COLEC12: variants seen among roughly 807,000 people sequenced by gnomAD.
COLEC12 encodes the protein collectin subfamily member 12, also known as collectin-12.
COLEC12 carries 33 observed loss-of-function variants against 71.1 expected under a neutral mutation model. The observed-to-expected ratio is 0.46, with a 90% CI of 0.35 to 0.62. COLEC12 has a LOEUF of 0.62. Ranked by LOEUF, COLEC12 falls within the 20% of genes least tolerant of loss-of-function variation. The pLI is 0.00. For missense variants in COLEC12, 765 were observed against 916.1 expected (o/e 0.84, Z 2.13); for synonymous variants, 350 against 353.0 (o/e 0.99, Z 0.10).
chr18:336,215 G>A (rs1423616951), intron 5 of COLEC12, among the ~76,000 whole-genome samples: 1 of 152,076 alleles, frequency 6.6e-6, no homozygotes, highest in Non-Finnish European at 1.5e-5. Flanking sequence ...GGGTGCTGCT[G>A]TCCTTAGGGC....
At chr18:432,670 A>G (rs1317304604) in intron 2 of COLEC12, among the ~76,000 whole-genome samples, 2 of 152,192 alleles carry the variant, frequency 1.3e-5, no homozygotes, top group Admixed American at 6.5e-5. Context: ...ACACACCTCA[A>G]TAATCTACCA....
chr18:378,300 G>C (rs750297011), intron 2 of COLEC12, among the ~76,000 whole-genome samples: 3 of 152,130 alleles, frequency 2.0e-5, no homozygotes, highest in Admixed American at 6.5e-5. Flanking sequence ...CAGAGCTGAG[G>C]GCACATCAGA....
At chr18:341,756 AG>A (rs1168981931) in intron 5 of COLEC12, among the ~76,000 whole-genome samples, 1 of 152,232 alleles carries the variant, frequency 6.6e-6, no homozygotes, top group Non-Finnish European at 1.5e-5. Flanking sequence ...TAACTCTAAA[AG>A]GTACACACAG....
chr18:449,743 G>A (rs960221294), intron 2 of COLEC12, among the ~76,000 whole-genome samples: 3 of 152,182 alleles, frequency 2.0e-5, no homozygotes, highest in African/African-American at 7.2e-5. Flanking sequence ...AGGGACACGA[G>A]AGCCAGGTCA....
intron 2 of COLEC12, among the ~76,000 whole-genome samples, chr18:465,180 G>A (rs996259021): frequency 2.6e-5 from 4 of 152,194 alleles, no homozygotes; most frequent in Non-Finnish European, 5.9e-5. Flanking sequence ...TCAGCTCACT[G>A]CAACCTCTGC....
intron 2 of COLEC12, among the ~76,000 whole-genome samples, chr18:472,701 A>AAAGAAG (rs1008052668): frequency 1.1e-4 from 16 of 144,176 alleles, no homozygotes; most frequent in Non-Finnish European, 1.0e-4. Flanking sequence ...AAAAAAAAAA[A>AAAGAAG]AAGAAGAAGA....
intron 2 of COLEC12, among the ~76,000 whole-genome samples, chr18:418,825 G>A (rs1598357234): frequency 6.6e-6 from 1 of 152,346 alleles, no homozygotes; most frequent in African/African-American, 2.4e-5. Context: ...TGGGCAACCA[G>A]CAGCCCTCAG....
chr18:360,178 C>CTTTTTTT (rs778619867), intron 2 of COLEC12, among the ~76,000 whole-genome samples: 2 of 141,616 alleles, frequency 1.4e-5, no homozygotes, highest in African/African-American at 2.6e-5. Context: ...ATTTGGATTT[C>CTTTTTTT]TTTTTTTTTT....
chr18:367,158 C>T, intron 2 of COLEC12, among the ~76,000 whole-genome samples: 1 of 152,186 alleles, frequency 6.6e-6, no homozygotes, highest in Non-Finnish European at 1.5e-5. Context: ...TTGAGTGTGG[C>T]TGCTTTACAA....
At chr18:477,956 C>T (rs1377813651) in intron 2 of COLEC12, among the ~76,000 whole-genome samples, 1 of 152,120 alleles carries the variant, frequency 6.6e-6, no homozygotes, top group African/African-American at 2.4e-5. Context: ...TTTAACCATG[C>T]CTGAAGAAAT....
intron 5 of COLEC12, among the ~76,000 whole-genome samples, chr18:339,090 T>A (rs186688022): frequency 9.2e-5 from 14 of 151,760 alleles, no homozygotes; most frequent in Admixed American, 2.6e-4. Flanking sequence ...CCTGTGACCA[T>A]GAAAGAGGGA....
At chr18:391,534 G>A (rs560818198) in intron 2 of COLEC12, among the ~76,000 whole-genome samples, 17 of 152,282 alleles carry the variant, frequency 1.1e-4, no homozygotes, top group African/African-American at 3.4e-4. Flanking sequence ...GTTCTATACT[G>A]AGCACCTATG....
At chr18:323,053 T>C (rs1052264976) in intron 8 of COLEC12, among the ~76,000 whole-genome samples, 1 of 152,070 alleles carries the variant, frequency 6.6e-6, no homozygotes, top group African/African-American at 2.4e-5. Context: ...GGCGAAACCC[T>C]GTCTCTACTA....
rs530478859 is a variant in COLEC12, at chr18:326,357, G to GT, written c.2064-4551dup. Among the ~76,000 whole-genome samples, 559 of 151,552 alleles carry GT rather than the reference G, an allele frequency of 3.7e-3. 3 individuals carry two copies. The highest frequency in any genetic ancestry group is 5.2e-3 in the African/African-American group (213 of 41,344). ...ATAGTTCTAGTTCCTTTTTGTTTTTGTTTTTTTTGAGATGGAGTCTCGCTC... is the reference window on the plus strand; with the variant it reads ...ATAGTTCTAGTTCCTTTTTGTTTTTGTTTTTTTTTGAGATGGAGTCTCGCTC... On this transcript the variant is annotated intron_variant, in intron 8 of 9. Coordinates refer to ENST00000400256, the MANE Select transcript of COLEC12 (RefSeq NM_130386.3).
chr18:443,772 TGGAGGTGGGGCCTGGTA>T (rs1642014678), intron 2 of COLEC12, among the ~76,000 whole-genome samples: 2 of 152,170 alleles, frequency 1.3e-5, no homozygotes, highest in African/African-American at 4.8e-5. Flanking sequence ...TCCCCAGTGG[TGGAGGTGGGGCCTGGTA>T]GGAGGTGTTT....
intron 8 of COLEC12, 102 bp downstream of exon 8, chr18:331,566 G>T: frequency 1.4e-6 from 1 of 724,464 alleles, no homozygotes; most frequent in South Asian, 1.8e-5. Flanking sequence ...GGAGCGTCTA[G>T]GACACGAGGT....
intron 2 of COLEC12, among the ~76,000 whole-genome samples, chr18:453,529 AT>A (rs1461245852): frequency 1.3e-5 from 2 of 152,074 alleles, no homozygotes; most frequent in African/African-American, 4.8e-5. Context: ...TAGGATTTGG[AT>A]TTGTCAGCGC....
At position 500,570 on chromosome 18, in the gene COLEC12, CGA is replaced by C; in HGVS notation, c.-58_-57del. ...GAGCTCCGCGCGAGCGCCGCGCAGCCGAGGAAGTCGTCCCGAGCGGCTGCTCA... is the reference window on the plus strand; with the variant it reads ...GAGCTCCGCGCGAGCGCCGCGCAGCCGGAAGTCGTCCCGAGCGGCTGCTCA... On this transcript the variant is annotated 5_prime_UTR_variant, in exon 1 of 10. Transcript: ENST00000400256. The surrounding 1 kb of genome is among the most constrained non-coding windows in gnomAD (Gnocchi z 5.3). 1 of 1,211,586 alleles carries C rather than the reference CGA, an allele frequency of 8.3e-7. No individual in the cohort carries two copies. The highest frequency in any genetic ancestry group is 1.0e-6 in the Non-Finnish European group (1 of 974,870). The allele number at this position is 1,211,586 out of a possible 1,614,324, so 75.1% of individuals were successfully genotyped here.
At chr18:466,783 A>G (rs918849440) in intron 2 of COLEC12, among the ~76,000 whole-genome samples, 14 of 152,238 alleles carry the variant, frequency 9.2e-5, no homozygotes, top group African/African-American at 2.9e-4. Context: ...GTAAGGAATT[A>G]TAAGTATGCA....
Sources: allele counts gnomAD v4.1 joint callset (sites outside exome capture counted in the v4.1 genomes callset), GRCh38; gene constraint gnomAD v4.1.1; non-coding constraint Gnocchi (gnomAD v3.1); transcripts MANE v1.5; gene names NCBI Gene and HGNC (gene_info 2026-07-23, HGNC 2026-07-21).